KCNN2: variants seen among roughly 807,000 people sequenced by gnomAD.
KCNN2 encodes the protein potassium calcium-activated channel subfamily N member 2, also known as small conductance calcium-activated potassium channel protein 2.
KCNN2 carries 24 observed loss-of-function variants against 55.5 expected under a neutral mutation model. The ratio of observed to expected loss-of-function variants is 0.43; its 90% CI spans 0.31 to 0.61. The LOEUF is 0.61. Among genes scored for constraint, KCNN2 ranks in the 20% least tolerant of loss-of-function variants. The pLI is 0.08. For missense variants in KCNN2, 754 were observed against 853.6 expected (o/e 0.88, Z 1.45); for synonymous variants, 431 against 336.1 (o/e 1.28, Z -3.09).
At chr5:114,369,152 C>T (rs1054404302) in intron 2 of KCNN2, among the ~76,000 whole-genome samples, 5 of 152,162 alleles carry the variant, frequency 3.3e-5, no homozygotes, top group African/African-American at 1.2e-4. Context: ...GTTTATGTCT[C>T]TGCTTTCTCA....
chr5:114,110,554 T>G (rs1457502831), intron 1 of KCNN2, among the ~76,000 whole-genome samples: 1 of 152,092 alleles, frequency 6.6e-6, no homozygotes, highest in Non-Finnish European at 1.5e-5. Context: ...CTCTAAGGCC[T>G]TGGATGCTGG....
rs1751308898 is a variant in KCNN2, at chr5:114,098,514, G to A, written c.-271+42014G>A. ...ATGAACCCTATTGTGAACTGTGCAT[G>A]TGAGGGATCTGGGTTGCAAGCTCCA... On this transcript the variant is annotated intron_variant, in intron 1 of 10. Transcript: ENST00000512097. 2.0e-5 allele frequency among the ~76,000 whole-genome samples: 3 copies of A among 152,068 alleles called. No homozygotes were observed. The South Asian group carries it at 6.2e-4, about 31-fold the overall frequency.
At chr5:114,313,304 C>A (rs953809561) in intron 2 of KCNN2, among the ~76,000 whole-genome samples, 12 of 152,190 alleles carry the variant, frequency 7.9e-5, no homozygotes, top group South Asian at 2.1e-4. Flanking sequence ...ATTTAATTCC[C>A]CCCTCCACAC....
chr5:114,259,109 G>C (rs762608468), intron 2 of KCNN2, among the ~76,000 whole-genome samples: 3 of 152,218 alleles, frequency 2.0e-5, no homozygotes, highest in African/African-American at 4.8e-5. Flanking sequence ...GCAGAGCTGA[G>C]TACAGTGCCT....
At chr5:114,397,034 G>C (rs13358855) in intron 2 of KCNN2, among the ~76,000 whole-genome samples, 1 of 152,088 alleles carries the variant, frequency 6.6e-6, no homozygotes, top group Non-Finnish European at 1.5e-5. Context: ...TCCCATCCAC[G>C]CTGCTGCAAA....
intron 5 of KCNN2, among the ~76,000 whole-genome samples, chr5:114,473,970 C>T (rs1230686057): frequency 6.6e-6 from 1 of 152,106 alleles, no homozygotes; most frequent in South Asian, 2.1e-4. Context: ...TCACTTGAGA[C>T]AAATACCAAA....
chr5:114,099,956 G>A (rs1751341105), intron 1 of KCNN2, among the ~76,000 whole-genome samples: 1 of 151,780 alleles, frequency 6.6e-6, no homozygotes, highest in Non-Finnish European at 1.5e-5. Flanking sequence ...GAACTCCATA[G>A]GATATGAGAT....
chr5:114,156,118 A>G (rs1358760699), intron 1 of KCNN2, among the ~76,000 whole-genome samples: 11 of 152,154 alleles, frequency 7.2e-5, no homozygotes. Flanking sequence ...CAGTTATCCT[A>G]GCACCATTTA....
chr5:114,253,524 T>A (rs1463120819), intron 2 of KCNN2: 1 of 153,340 alleles, frequency 6.5e-6, no homozygotes, highest in African/African-American at 2.4e-5. Context: ...GACGTGAGAG[T>A]TATCTGGCTG....
chr5:114,111,356 A>T (rs1459025521), intron 1 of KCNN2, among the ~76,000 whole-genome samples: 3 of 152,138 alleles, frequency 2.0e-5, no homozygotes, highest in Admixed American at 6.6e-5. Flanking sequence ...ACTTCAATGT[A>T]ATACCTAAAA....
chr5:114,439,609 G>C (rs1760135861), intron 3 of KCNN2, among the ~76,000 whole-genome samples: 1 of 152,088 alleles, frequency 6.6e-6, no homozygotes, highest in East Asian at 1.9e-4. Flanking sequence ...AAAGCTCCCT[G>C]GGTGATTCTA....
At chr5:114,350,201 T>A (rs1430384249) in intron 2 of KCNN2, among the ~76,000 whole-genome samples, 1 of 152,040 alleles carries the variant, frequency 6.6e-6, no homozygotes, top group African/African-American at 2.4e-5. Flanking sequence ...TATATAATGA[T>A]CACATCAGGA....
chr5:114,428,480 A>G (rs1049276632), intron 3 of KCNN2, among the ~76,000 whole-genome samples: 4 of 152,150 alleles, frequency 2.6e-5, no homozygotes, highest in African/African-American at 9.6e-5. Flanking sequence ...ACATGTTTTA[A>G]GCCTTAGTTT....
intron 2 of KCNN2, among the ~76,000 whole-genome samples, chr5:114,251,700 C>T (rs1754864577): frequency 6.6e-6 from 1 of 152,182 alleles, no homozygotes; most frequent in Admixed American, 6.5e-5. Context: ...TTTGCATCTT[C>T]TCACAATTAC....
At chr5:114,220,964 G>A (rs987680917) in intron 1 of KCNN2, among the ~76,000 whole-genome samples, 1 of 152,114 alleles carries the variant, frequency 6.6e-6, no homozygotes, top group African/African-American at 2.4e-5. Context: ...AAGAATTAAT[G>A]AGAATTTCTT....
intron 2 of KCNN2, among the ~76,000 whole-genome samples, chr5:114,233,495 C>A (rs972420120): frequency 6.6e-6 from 1 of 152,136 alleles, no homozygotes; most frequent in Non-Finnish European, 1.5e-5. Flanking sequence ...AACACTCTCT[C>A]CTGATCATTT....
In KCNN2 at chr5:114,137,361, GTAGTCATCTT is replaced by G. The variant is rs535656068; in HGVS notation, c.-271+80864_-271+80873del. ...CTGTTTTAGAAAGAAATGCAAAATG[GTAGTCATCTT>G]TATTCCTCTGATCCTTCCCTGCGTA... On this transcript the variant is annotated intron_variant, in intron 1 of 10. Coordinates refer to the KCNN2 transcript ENST00000512097. 3.6e-3 allele frequency among the ~76,000 whole-genome samples: 548 copies of G among 152,196 alleles called. 1 individual carries two copies. The highest frequency in any genetic ancestry group is 6.2e-3 in the Non-Finnish European group (423 of 67,998).
intron 2 of KCNN2, among the ~76,000 whole-genome samples, chr5:114,257,170 G>A (rs1343964524): frequency 6.6e-6 from 1 of 152,040 alleles, no homozygotes; most frequent in African/African-American, 2.4e-5. Flanking sequence ...GTTAGCTGTA[G>A]GTATATGGCT....
At chr5:114,452,977 G>A (rs1760759213) in intron 3 of KCNN2, among the ~76,000 whole-genome samples, 1 of 152,166 alleles carries the variant, frequency 6.6e-6, no homozygotes, top group Non-Finnish European at 1.5e-5. Flanking sequence ...TTTGGAAGGA[G>A]ACCATTTATC....
Sources: gnomAD v4.1 joint callset for allele counts (sites outside exome capture counted in the v4.1 genomes callset) on GRCh38, gnomAD v4.1.1 for gene constraint, MANE v1.5 for transcripts, NCBI Gene and HGNC (gene_info 2026-07-23, HGNC 2026-07-21) for gene names.